The following CIMAP1D variants were observed in gnomAD, a reference collection of about 807,000 sequenced individuals.
The protein encoded by CIMAP1D is protein CIMAP1D.
the CIMAP1D span, among the ~76,000 whole-genome samples, chr19:465,071 G>GGA: frequency 2.2e-4 from 28 of 125,082 alleles, no homozygotes; most frequent in East Asian, 4.4e-3. Context: ...GGATGGATGG[G>GGA]TGGGTGGAAG....
At chr19:482,575 G>A in the CIMAP1D span, among the ~76,000 whole-genome samples, 4 of 150,460 alleles carry the variant, frequency 2.7e-5, no homozygotes, top group Admixed American at 1.3e-4. Flanking sequence ...CTTATTAATC[G>A]CCTACTGCAT....
At chr19:473,247 G>A in the CIMAP1D span, among the ~76,000 whole-genome samples, 58 of 15,708 alleles carry the variant, frequency 3.7e-3, no homozygotes, top group South Asian at 0.012. Context: ...CAGATGGGGA[G>A]ACTGAGGCCT....
chr19:472,398 A>C, the CIMAP1D span: 1 of 1,535,158 alleles, frequency 6.5e-7, no homozygotes, highest in South Asian at 1.2e-5. Flanking sequence ...CCTTACCCTC[A>C]CTGGGCCTCC....
chr19:470,462 C>T, the CIMAP1D span, among the ~76,000 whole-genome samples: 1 of 152,092 alleles, frequency 6.6e-6, no homozygotes, highest in Non-Finnish European at 1.5e-5. Flanking sequence ...CCACCCGCCT[C>T]GGCCTCCCGA....
At chr19:489,065 C>T in the CIMAP1D span, 1 of 152,178 alleles carries the variant, frequency 6.6e-6, no homozygotes, top group African/African-American at 2.4e-5. Context: ...CCCGGCGCCC[C>T]GCGCTCCGCG....
the CIMAP1D span, among the ~76,000 whole-genome samples, chr19:476,219 A>T: frequency 1.2e-4 from 18 of 151,472 alleles, no homozygotes; most frequent in Admixed American, 1.1e-3. Context: ...TGTCCAGCTA[A>T]TTTTTTTGTA....
At chr19:467,747 G>A in the CIMAP1D span, 1 of 1,602,458 alleles carries the variant, frequency 6.2e-7, no homozygotes, top group South Asian at 1.1e-5. Flanking sequence ...GCCCGGGCTG[G>A]TGTCCTGAGG....
the CIMAP1D span, among the ~76,000 whole-genome samples, chr19:475,986 A>ATTTTTT: frequency 3.2e-3 from 124 of 39,272 alleles, 30 homozygotes; most frequent in African/African-American, 5.3e-3. Flanking sequence ...CGCCTGGCTA[A>ATTTTTT]TTTTTTTTTT....
chr19:464,149 T>C, the CIMAP1D span: 6 of 739,830 alleles, frequency 8.1e-6, no homozygotes, highest in South Asian at 1.7e-5. Flanking sequence ...GCGGGGGGGG[T>C]GCGGCCCACC....
At chr19:470,517 C>T in the CIMAP1D span, among the ~76,000 whole-genome samples, 1 of 152,128 alleles carries the variant, frequency 6.6e-6, no homozygotes, top group Non-Finnish European at 1.5e-5. Context: ...GGCCCATAGG[C>T]TAAGTTCTTA....
At chr19:486,034 C>G in the CIMAP1D span, among the ~76,000 whole-genome samples, 1 of 152,254 alleles carries the variant, frequency 6.6e-6, no homozygotes. Flanking sequence ...ACACAGAGAA[C>G]CTGCCAGCTC....
the CIMAP1D span, chr19:489,934 T>A: frequency 5.0e-6 from 2 of 397,378 alleles, no homozygotes; most frequent in African/African-American, 2.1e-5. Context: ...CACCCACATT[T>A]GGCCCCTGCC....
the CIMAP1D span, among the ~76,000 whole-genome samples, chr19:481,558 A>G: frequency 1.5e-4 from 21 of 137,814 alleles, no homozygotes; most frequent in African/African-American, 5.1e-4. Context: ...GAGAAGGATG[A>G]TGGGAAGGAT....
chr19:465,950 GCTA>G, the CIMAP1D span, among the ~76,000 whole-genome samples: 1 of 146,322 alleles, frequency 6.8e-6, no homozygotes, highest in African/African-American at 2.5e-5. Context: ...GTGGGTGGAT[GCTA>G]GGTGGGTGGA....
chr19:483,642 C>T, the CIMAP1D span, among the ~76,000 whole-genome samples: 6 of 152,288 alleles, frequency 3.9e-5, no homozygotes, highest in East Asian at 1.9e-4. Flanking sequence ...GCAGGGATGC[C>T]GCTAGGCACC....
the CIMAP1D span, among the ~76,000 whole-genome samples, chr19:481,567 A>G: frequency 7.3e-6 from 1 of 137,384 alleles, no homozygotes; most frequent in East Asian, 2.3e-4. Flanking sequence ...GATGGGAAGG[A>G]TGGTGGGAAG....
chr19:472,449 G>T, the CIMAP1D span: 2 of 1,547,744 alleles, frequency 1.3e-6, no homozygotes, highest in Admixed American at 2.0e-5. Context: ...TGGTGCAGTC[G>T]TGGTTGATGA....
chr19:480,489 G>A, the CIMAP1D span, among the ~76,000 whole-genome samples: 3 of 137,424 alleles, frequency 2.2e-5, no homozygotes, highest in Non-Finnish European at 4.5e-5. Flanking sequence ...GAAGGATGAT[G>A]GTAAGGATGA....
chr19:474,812 CT>C, the CIMAP1D span: 1 of 1,330,656 alleles, frequency 7.5e-7, no homozygotes, highest in Non-Finnish European at 9.8e-7. Flanking sequence ...GCCGCAGCAG[CT>C]CTGGCGGCCA....
Sources: gnomAD v4.1 joint callset for allele counts (sites outside exome capture counted in the v4.1 genomes callset) on GRCh38, gnomAD v4.1.1 for gene constraint, MANE v1.5 for transcripts, NCBI Gene and HGNC (gene_info 2026-07-23, HGNC 2026-07-21) for gene names.